Variants in UNK observed in about 807,000 individuals in gnomAD.
The protein encoded by UNK is unk zinc finger.
In UNK, 32 loss-of-function variants were observed where a neutral mutation model predicts 97.6. The observed-to-expected ratio is 0.33, with a 90% CI of 0.25 to 0.44. The LOEUF (loss-of-function observed/expected upper bound fraction) is 0.44. UNK is among the 20% of genes least tolerant of loss of function. The pLI, the probability that UNK is intolerant of heterozygous loss-of-function variation, is 1.00. For synonymous variants in UNK, 441 were observed against 461.2 expected, an observed-to-expected ratio of 0.96 and a Z score of 0.56; for missense variants, 771 against 1,098.4, an observed-to-expected ratio of 0.70 and a Z score of 4.21.
At chr17:75,789,286 A>G (rs1248755977) in intron 1 of UNK, among the ~76,000 whole-genome samples, 1 of 152,188 alleles carries the variant, frequency 6.6e-6, no homozygotes, top group African/African-American at 2.4e-5. Flanking sequence ...AGCACTTAGT[A>G]AAACGATAAT....
At chr17:75,820,251 C>A in intron 13 of UNK, 143 bp downstream of exon 13, 1 of 857,020 alleles carries the variant, frequency 1.2e-6, no homozygotes, top group Non-Finnish European at 1.8e-6. Flanking sequence ...GAGTCAGATT[C>A]CTGTCTGTGT....
rs746462868 is a variant in UNK at position 75,809,965 on chromosome 17, G to A, written c.310G>A (p.Asp104Asn). ...GGCTACAGGCCTCTGCCCGGAGGGC[G>A]ACGAGTGAGTGACCCAGCCTGTCCT... ...DEATGLCPEG[D>N]ECPFLHRTTG... The change falls in exon 2 of 16, where the codon GAC (aspartate) becomes AAC (asparagine). Residue 104 changes from aspartate to asparagine, a missense_variant. Around this residue, in one of 5 missense-constraint regions of UNK, gnomAD observed 246 missense variants for 440.7 expected, o/e 0.56. Transcript: ENST00000589666. The A allele has an allele frequency of 9.9e-6, 16 of 1,613,326 alleles. No individual in the cohort carries two copies. Among genetic ancestry groups the A allele is most frequent in the Non-Finnish European group, 1.2e-5 (14 of 1,179,878 alleles).
intron 13 of UNK, among the ~76,000 whole-genome samples, chr17:75,820,712 G>A (rs963275405): frequency 2.0e-5 from 3 of 152,158 alleles, no homozygotes; most frequent in Admixed American, 1.3e-4. Flanking sequence ...GTGCCACTGC[G>A]GGCCGGCTGT....
chr17:75,819,703 G>A lies in UNK; in HGVS notation c.1566G>A (p.Leu522=), dbSNP rs748681940. 9 of 1,613,886 alleles carry A rather than the reference G, an allele frequency of 5.6e-6. No homozygotes were observed. The highest frequency in any genetic ancestry group is 5.3e-5 in the African/African-American group (4 of 75,064). The part of the protein sequence containing the change: ...ESVIESALDD[L]DLNEFGVAAL... ...CCCTAGAGTCTGCTTTGGATGACCT[G>A]GACCTGAATGAGTTTGGCGTGGCCG... is the stretch of plus-strand genomic sequence containing the variant. The change falls in exon 12 of 16, where the codon CTG becomes CTA. Residue 522 remains leucine (L), a synonymous_variant. Coordinates refer to ENST00000589666, the MANE Select transcript of UNK (RefSeq NM_001080419.3). The surrounding 1 kb of genome is among the most constrained non-coding windows in gnomAD (Gnocchi z 5.4).
At chr17:75,804,230 G>A (rs1480554260) in intron 1 of UNK, among the ~76,000 whole-genome samples, 1 of 152,234 alleles carries the variant, frequency 6.6e-6, no homozygotes, top group Non-Finnish European at 1.5e-5. Flanking sequence ...AAGGTGGGTA[G>A]ATCACTTGAG....
rs781146987 is a variant in UNK at position 75,820,155 on chromosome 17, C to T, written c.1837+47C>T. ...TCAGGAGAACTGGGGCAGGAACCTG[C>T]GCCTTTAGGAGGTGCCTCTGGCCAC... On this transcript the variant is annotated intron_variant, in intron 13 of 15. Transcript: ENST00000589666. 42 of 1,560,498 alleles carry T rather than the reference C, an allele frequency of 2.7e-5. 1 individual carries two copies. In the South Asian group the frequency reaches 3.1e-4, roughly 12 times the overall value.
rs1293121065 is a variant in UNK, at chr17:75,806,165, G to A, written c.105-3595G>A. On this transcript the variant is annotated intron_variant, in intron 1 of 15. Transcript: ENST00000589666. ...TTTACCATCTGGTCCTTTACAAGAAGAGTTTGCTGGCCGGGCACAGGGGCT... is the reference window on the plus strand; with the variant it reads ...TTTACCATCTGGTCCTTTACAAGAAAAGTTTGCTGGCCGGGCACAGGGGCT... Among the ~76,000 whole-genome samples, 5 of 151,732 alleles carry A rather than the reference G, an allele frequency of 3.3e-5. No homozygotes were observed. The East Asian group carries it at 9.7e-4, about 29-fold the overall frequency.
Position 75,792,508 on chromosome 17 carries a change from TA to T in UNK, c.104+7525del, listed in dbSNP as rs2061771213. 36 of 984,376 alleles carry T rather than the reference TA, an allele frequency of 3.7e-5. No individual in the cohort carries two copies. The South Asian group carries it at 1.4e-3, about 37-fold the overall frequency. The allele number at this position is 984,376 out of a possible 1,614,324, so 61.0% of individuals were successfully genotyped here. ...GTTTCTCTGCCATTCTTAGCCAATA[TA>T]TAAAAATTACATTAGCCTAATTGCT... is the stretch of plus-strand genomic sequence containing the variant. On this transcript the variant is annotated intron_variant, in intron 1 of 15. Coordinates refer to ENST00000589666, the MANE Select transcript of UNK (RefSeq NM_001080419.3).
At chr17:75,791,756 C>T in intron 1 of UNK, 1 of 985,236 alleles carries the variant, frequency 1.0e-6, no homozygotes, top group Non-Finnish European at 1.2e-6. Flanking sequence ...TTGTTTTAAT[C>T]CAGCTATGTT....
At chr17:75,810,891 C>T (rs992964873) in intron 2 of UNK, among the ~76,000 whole-genome samples, 1 of 152,164 alleles carries the variant, frequency 6.6e-6, no homozygotes, top group Admixed American at 6.5e-5. Flanking sequence ...CCTCCTTGGC[C>T]TCCCAAAGTG....
In UNK at chr17:75,822,109, G is replaced by A. The variant is rs939155798; in HGVS notation, c.1838-368G>A. Among the ~76,000 whole-genome samples the A allele has an allele frequency of 1.4e-4, 22 of 152,200 alleles. 1 individual carries two copies. Among genetic ancestry groups the A allele is most frequent in the Non-Finnish European group, 2.5e-4 (17 of 68,034 alleles). On this transcript the variant is annotated intron_variant, in intron 13 of 15. Coordinates refer to ENST00000589666, the MANE Select transcript of UNK (RefSeq NM_001080419.3). ...GCTGCAAAAAGGCCCTAGCCTAAAA[G>A]TGAAGCCACAATCATAAATTGCCAC...
At chr17:75,785,483 G>A (rs922368541) in intron 1 of UNK, 1 of 153,086 alleles carries the variant, frequency 6.5e-6, no homozygotes, top group Non-Finnish European at 1.5e-5. Context: ...GGCCACACTT[G>A]CTTGAATTCA....
chr17:75,820,989 T>A (rs2062062753), intron 13 of UNK, among the ~76,000 whole-genome samples: 1 of 152,120 alleles, frequency 6.6e-6, no homozygotes, highest in Admixed American at 6.5e-5. Flanking sequence ...TTACGTTGAT[T>A]CTGTCAGCTT....
chr17:75,810,151 C>A (rs2061955450), intron 2 of UNK, among the ~76,000 whole-genome samples, 182 bp downstream of exon 2: 1 of 152,244 alleles, frequency 6.6e-6, no homozygotes, highest in Admixed American at 6.5e-5. Context: ...GTACCATTTC[C>A]CTTTCCCACT....
intron 1 of UNK, among the ~76,000 whole-genome samples, chr17:75,795,536 C>T (rs967582234): frequency 2.0e-5 from 3 of 152,008 alleles, no homozygotes; most frequent in South Asian, 2.1e-4. Flanking sequence ...GACGGGGTTT[C>T]GCTATGTTGG....
chr17:75,801,348 C>T (rs2061856166), intron 1 of UNK, among the ~76,000 whole-genome samples: 1 of 152,046 alleles, frequency 6.6e-6, no homozygotes, highest in East Asian at 1.9e-4. Flanking sequence ...GGTGGCAAAG[C>T]ACCCAATAAT....
chr17:75,807,373 G>A (rs1025984287), intron 1 of UNK, among the ~76,000 whole-genome samples: 7 of 152,168 alleles, frequency 4.6e-5, no homozygotes, highest in African/African-American at 1.4e-4. Context: ...ACTCCAGCCT[G>A]GGCAACATAA....
In UNK at chr17:75,820,505, C is replaced by G. The variant is rs577093844; in HGVS notation, c.1837+397C>G. 7.1e-4 allele frequency among the ~76,000 whole-genome samples: 108 copies of G among 152,264 alleles called. No homozygotes were observed. The Middle Eastern group carries it at 0.01, about 14-fold the overall frequency. On this transcript the variant is annotated intron_variant, in intron 13 of 15. Transcript: ENST00000589666. ...GCTCCGAGAGGCTGGCTCGCACCAG[C>G]CAGGTTCACAGGGGACCAAGGGAGA...
intron 1 of UNK, chr17:75,785,794 A>G (rs974149860): frequency 1.3e-5 from 2 of 152,214 alleles, no homozygotes; most frequent in Non-Finnish European, 2.9e-5. Context: ...TGGGAGAAAG[A>G]TGAATAAGGG....
Sources: gnomAD v4.1 joint callset for allele counts (sites outside exome capture counted in the v4.1 genomes callset) on GRCh38, gnomAD v4.1.1 for gene constraint, gnomAD v4.1.1 regional missense constraint, Gnocchi (gnomAD v3.1) non-coding constraint, MANE v1.5 for transcripts, NCBI Gene and HGNC (gene_info 2026-07-23, HGNC 2026-07-21) for gene names.